The following NRSN1 variants were observed in gnomAD, a reference collection of about 807,000 sequenced individuals.
The protein encoded by NRSN1 is neurensin 1, also known as neurensin-1.
NRSN1 carries 14 observed loss-of-function variants against 17.3 expected under a neutral mutation model. That is an observed-to-expected ratio of 0.81 (90% CI 0.54 to 1.27). The LOEUF is 1.27. Among genes scored for constraint, NRSN1 ranks in the 50% most tolerant of loss-of-function variants. The pLI, the probability that NRSN1 is intolerant of heterozygous loss-of-function variation, is 0.00. For synonymous variants in NRSN1, 79 were observed against 94.2 expected (o/e 0.84, Z 0.93); for missense variants, 209 against 235.9 (o/e 0.89, Z 0.75).
chr6:24,127,536 A>T (rs2113710043), intron 1 of NRSN1, among the ~76,000 whole-genome samples: 1 of 152,336 alleles, frequency 6.6e-6, no homozygotes, highest in African/African-American at 2.4e-5. Context: ...TTTTAATCAA[A>T]TTTTGCATGG....
At chr6:24,144,640 G>A (rs570061938) in intron 3 of NRSN1, among the ~76,000 whole-genome samples, 117 of 152,258 alleles carry the variant, frequency 7.7e-4, no homozygotes, top group African/African-American at 2.6e-3. Flanking sequence ...AGAAGTAGGT[G>A]TCATTCATAT....
chr6:24,137,128 C>A (rs1186652657), intron 3 of NRSN1, among the ~76,000 whole-genome samples: 1 of 152,162 alleles, frequency 6.6e-6, no homozygotes, highest in Non-Finnish European at 1.5e-5. Context: ...TGTAGTGTTG[C>A]AAGAGTCATG....
chr6:24,128,587 T>A (rs546928499), intron 2 of NRSN1: 2 of 152,340 alleles, frequency 1.3e-5, no homozygotes, highest in East Asian at 1.9e-4. Flanking sequence ...GTGAAAAAGC[T>A]GTTAGCAGGC....
Position 24,146,312 on chromosome 6 carries a change from A to T in NRSN1, c.*366A>T. Reference sequence around the variant, plus strand: ...CTAATGTGGTCCATTTTATTTTCTAATATTGGTTTATCTAATGTTTTCTGC... The same window carrying T: ...CTAATGTGGTCCATTTTATTTTCTATTATTGGTTTATCTAATGTTTTCTGC... On this transcript the variant is annotated 3_prime_UTR_variant, in exon 4 of 4. Transcript: ENST00000378491. The T allele has an allele frequency of 2.0e-6, 1 of 506,206 alleles. No individual in the cohort carries two copies. Among genetic ancestry groups the T allele is most frequent in the Non-Finnish European group, 4.0e-6 (1 of 250,582 alleles). The allele number at this position is 506,206 out of a possible 1,614,324, so 31.4% of individuals were successfully genotyped here. A position where few individuals can be genotyped will look rare whatever the true frequency, so the allele number is the denominator to read the frequency against.
At chr6:24,138,771 T>C (rs1164122669) in intron 3 of NRSN1, among the ~76,000 whole-genome samples, 3 of 152,224 alleles carry the variant, frequency 2.0e-5, no homozygotes, top group Non-Finnish European at 2.9e-5. Context: ...TCCTTGTTTT[T>C]TCCTTCAAAG....
At chr6:24,128,563 T>C (rs1047660498) in intron 2 of NRSN1, among the ~76,000 whole-genome samples, 1 of 152,266 alleles carries the variant, frequency 6.6e-6, no homozygotes, top group African/African-American at 2.4e-5. Context: ...AATTTCAGAA[T>C]GCCTGATTTA....
At chr6:24,132,933 A>C (rs1267053130) in intron 2 of NRSN1, among the ~76,000 whole-genome samples, 1 of 152,136 alleles carries the variant, frequency 6.6e-6, no homozygotes, top group Non-Finnish European at 1.5e-5. Flanking sequence ...AAATCCAAAC[A>C]CGTATTTCAC....
intron 3 of NRSN1, chr6:24,141,151 C>G: frequency 7.9e-7 from 1 of 1,273,692 alleles, no homozygotes; most frequent in Non-Finnish European, 1.0e-6. Context: ...CTAAACGAGG[C>G]TGCTTTGCTT....
At chr6:24,142,554 G>A (rs111394674) in intron 3 of NRSN1, among the ~76,000 whole-genome samples, 105 of 152,094 alleles carry the variant, frequency 6.9e-4, no homozygotes, top group African/African-American at 2.5e-3. Context: ...CACCCACCCA[G>A]GTTCAAGTGA....
At chr6:24,133,728 T>C (rs1306916532) in intron 2 of NRSN1, among the ~76,000 whole-genome samples, 2 of 152,234 alleles carry the variant, frequency 1.3e-5, no homozygotes, top group African/African-American at 4.8e-5. Flanking sequence ...AGTTGTGCTG[T>C]TGTATCTCAT....
chr6:24,140,957 C>A, intron 3 of NRSN1: 1 of 1,369,860 alleles, frequency 7.3e-7, no homozygotes, highest in Non-Finnish European at 9.5e-7. Context: ...CTCCCACAGC[C>A]AAGAGTGGAA....
chr6:24,140,960 G>T, intron 3 of NRSN1: 3 of 1,377,188 alleles, frequency 2.2e-6, no homozygotes, highest in Non-Finnish European at 2.8e-6. Flanking sequence ...CCACAGCCAA[G>T]AGTGGAATCG....
rs375002115 is a variant in NRSN1, at chr6:24,136,236, T to C, written c.189+1720T>C. Among the ~76,000 whole-genome samples the C allele has an allele frequency of 2.8e-4, 42 of 152,366 alleles. No homozygotes were observed. In the East Asian group the frequency reaches 3.3e-3, roughly 12 times the overall value. On this transcript the variant is annotated intron_variant, in intron 3 of 3. Coordinates refer to ENST00000378491, the MANE Select transcript of NRSN1 (RefSeq NM_080723.5). ...GTATGTGCTTAATAAGCATTAGCTA[T>C]ATTAGCTACTATTACTGGTTGCTGT... is the stretch of plus-strand genomic sequence containing the variant.
chr6:24,137,376 G>A (rs1760132631), intron 3 of NRSN1, among the ~76,000 whole-genome samples: 1 of 152,124 alleles, frequency 6.6e-6, no homozygotes, highest in Non-Finnish European at 1.5e-5. Context: ...GGATTCTGAT[G>A]TAAATAAGAT....
chr6:24,135,679 C>T (rs531959933), intron 3 of NRSN1, among the ~76,000 whole-genome samples: 6 of 152,260 alleles, frequency 3.9e-5, no homozygotes, highest in Middle Eastern at 3.4e-3. Context: ...TATTAGACAT[C>T]GGAGTAGTGA....
chr6:24,140,934 GT>G, intron 3 of NRSN1: 1 of 1,322,688 alleles, frequency 7.6e-7, no homozygotes, highest in Non-Finnish European at 9.7e-7. Flanking sequence ...CAGGAACTGG[GT>G]TTTCACACAT....
chr6:24,129,443 A>G (rs1280081575), intron 2 of NRSN1: 1 of 152,248 alleles, frequency 6.6e-6, no homozygotes, highest in Non-Finnish European at 1.5e-5. Context: ...AGTGGTCAAC[A>G]GTACAGAAAA....
chr6:24,140,006 T>A (rs1760177181), intron 3 of NRSN1, among the ~76,000 whole-genome samples: 2 of 152,256 alleles, frequency 1.3e-5, no homozygotes, highest in African/African-American at 4.8e-5. Context: ...CAGTGAGTTG[T>A]TTGGAGCAGA....
chr6:24,126,470 T>A (rs1283443669), intron 1 of NRSN1, 130 bp downstream of exon 1: 1 of 152,362 alleles, frequency 6.6e-6, no homozygotes, highest in Non-Finnish European at 1.5e-5. Flanking sequence ...TTTCTCTCTC[T>A]CCCTCCCTCC....
Sources: allele counts gnomAD v4.1 joint callset (sites outside exome capture counted in the v4.1 genomes callset), GRCh38; gene constraint gnomAD v4.1.1; transcripts MANE v1.5; gene names NCBI Gene and HGNC (gene_info 2026-07-23, HGNC 2026-07-21).